The following KCNMA1 variants were observed in gnomAD, a reference collection of about 807,000 sequenced individuals.
KCNMA1 encodes the protein Calcium-activated potassium channel subunit alpha-1.
In KCNMA1, 29 loss-of-function variants were observed where a neutral mutation model predicts 140.0. The observed-to-expected ratio is 0.21, with a 90% confidence interval of 0.15 to 0.28. The LOEUF (loss-of-function observed/expected upper bound fraction) is 0.28, where lower values mean the gene tolerates loss of function less well. KCNMA1 is among the 10% of genes least tolerant of loss of function. The pLI, the probability that KCNMA1 is intolerant of heterozygous loss-of-function variation, is 1.00. For missense variants in KCNMA1, 880 were observed against 1,602.2 expected (o/e 0.55, Z 7.70); for synonymous variants, 612 against 611.9 (o/e 1.00, Z 0.00).
intron 19 of KCNMA1, chr10:76,974,689 C>T (rs1287902463): frequency 4.2e-6 from 3 of 715,196 alleles, no homozygotes; most frequent in East Asian, 2.7e-5. Flanking sequence ...GAAGTTTCTC[C>T]CTCACAGCTG....
chr10:77,258,621 A>T (rs1358149743), intron 2 of KCNMA1, among the ~76,000 whole-genome samples: 1 of 152,194 alleles, frequency 6.6e-6, no homozygotes, highest in African/African-American at 2.4e-5. Context: ...TTTAGCAAGT[A>T]TAGTTGATAT....
At chr10:76,880,987 T>C (rs76255390), downstream of KCNMA1, among the ~76,000 whole-genome samples, 181 of 152,244 alleles carry the variant, frequency 1.2e-3, no homozygotes, top group Non-Finnish European at 2.2e-3. Context: ...CTGAGTACAA[T>C]GTGTGACATG....
chr10:77,412,652 C>T (rs1189303464), intron 1 of KCNMA1, among the ~76,000 whole-genome samples: 11 of 152,154 alleles, frequency 7.2e-5, no homozygotes, highest in Admixed American at 7.2e-4. Flanking sequence ...TTGTGAGGTG[C>T]CCCAGGGGGG....
intron 1 of KCNMA1, among the ~76,000 whole-genome samples, chr10:77,602,410 GTGGGGAGTGACTGCTCATGGGTA>G (rs1218338757): frequency 1.3e-5 from 2 of 152,158 alleles, no homozygotes; most frequent in African/African-American, 4.8e-5. Context: ...AAGGAGGGGT[GTGGGGAGTGACTGCTCATGGGTA>G]TGGGGTTTGT....
At chr10:77,264,971 T>C (rs919368014) in intron 2 of KCNMA1, among the ~76,000 whole-genome samples, 1 of 152,186 alleles carries the variant, frequency 6.6e-6, no homozygotes, top group Admixed American at 6.5e-5. Flanking sequence ...ATGCCCTTTT[T>C]TTCTGGAACT....
chr10:77,274,699 C>T (rs1380411530), intron 2 of KCNMA1, among the ~76,000 whole-genome samples: 1 of 152,188 alleles, frequency 6.6e-6, no homozygotes, highest in Admixed American at 6.5e-5. Context: ...AACCCCGACT[C>T]CATTTGTCAT....
At chr10:77,455,178 C>T (rs961502918) in intron 1 of KCNMA1, among the ~76,000 whole-genome samples, 7 of 152,196 alleles carry the variant, frequency 4.6e-5, no homozygotes, top group African/African-American at 1.7e-4. Flanking sequence ...GCAATACTTT[C>T]CAATCTTCAG....
chr10:77,084,532 G>T, intron 12 of KCNMA1, 105 bp downstream of exon 12: 1 of 873,958 alleles, frequency 1.1e-6, no homozygotes, highest in Non-Finnish European at 1.9e-6. Context: ...TGGCTTGTGG[G>T]GCAAAAAGGC....
Position 77,220,909 on chromosome 10 carries a change from C to T in KCNMA1, c.602+30286G>A, listed in dbSNP as rs578009793. Among the ~76,000 whole-genome samples, 5 of 152,248 alleles carry T rather than the reference C, an allele frequency of 3.3e-5. No individual in the cohort carries two copies. The South Asian group carries it at 8.3e-4, about 25-fold the overall frequency. ...AGCAACTGGGTTCTACAAATAATGTCCCTGGGGAACTCAATAAAATTATCA... is the reference window on the plus strand; with the variant it reads ...AGCAACTGGGTTCTACAAATAATGTTCCTGGGGAACTCAATAAAATTATCA... On this transcript the variant is annotated intron_variant, in intron 3 of 27. Coordinates refer to ENST00000286628, the MANE Select transcript of KCNMA1 (RefSeq NM_001161352.2).
intron 1 of KCNMA1, among the ~76,000 whole-genome samples, chr10:77,498,133 G>A (rs939520954): frequency 2.0e-5 from 3 of 152,300 alleles, no homozygotes; most frequent in Non-Finnish European, 2.9e-5. Flanking sequence ...AGGCAGGGAG[G>A]CCCCTTGGGC....
At chr10:77,119,495 C>T (rs978468363) in intron 6 of KCNMA1, among the ~76,000 whole-genome samples, 8 of 152,152 alleles carry the variant, frequency 5.3e-5, no homozygotes, top group African/African-American at 9.7e-5. Context: ...TGGGTACTCA[C>T]GCGTTCCATC....
At chr10:77,209,974 T>C (rs2045510210) in intron 3 of KCNMA1, among the ~76,000 whole-genome samples, 1 of 144,908 alleles carries the variant, frequency 6.9e-6, no homozygotes, top group Admixed American at 6.8e-5. Context: ...CACAACCAAA[T>C]TCTACCAGAT....
chr10:77,480,120 G>A (rs947995377), intron 1 of KCNMA1, among the ~76,000 whole-genome samples: 3 of 152,298 alleles, frequency 2.0e-5, no homozygotes, highest in East Asian at 3.9e-4. Context: ...CACCAAATAC[G>A]ACGCCCATAT....
chr10:77,443,637 TCAACTGTG>T (rs1422471397), intron 1 of KCNMA1, among the ~76,000 whole-genome samples: 1 of 152,106 alleles, frequency 6.6e-6, no homozygotes, highest in Non-Finnish European at 1.5e-5. Context: ...CCTAGCTAGG[TCAACTGTG>T]CTGTTTCCTT....
intron 1 of KCNMA1, among the ~76,000 whole-genome samples, chr10:77,445,042 G>C (rs1310315061): frequency 6.6e-6 from 1 of 152,182 alleles, no homozygotes; most frequent in African/African-American, 2.4e-5. Flanking sequence ...CTATGAGATA[G>C]ATGCCCAAGG....
At position 77,636,766 on chromosome 10, in the gene KCNMA1, A is replaced by AT. The variant is rs1354393740; in HGVS notation, c.378+498dup. The stretch of plus-strand genomic sequence containing the variant: ...AATTATTCTCTCCCTTGCCCAAAGG[A>AT]TTTTTCCCTTCTTTCTGACCCCACG... On this transcript the variant is annotated intron_variant, in intron 1 of 27. Transcript: ENST00000286628. The AT allele has an allele frequency of 1.4e-5, 20 of 1,461,466 alleles. No individual in the cohort carries two copies. The South Asian group carries it at 2.8e-4, about 21-fold the overall frequency. The allele number at this position is 1,461,466 out of a possible 1,614,324, so 90.5% of individuals were successfully genotyped here.
chr10:77,087,292 T>C (rs1444320477), intron 10 of KCNMA1, among the ~76,000 whole-genome samples: 1 of 152,156 alleles, frequency 6.6e-6, no homozygotes, highest in Non-Finnish European at 1.5e-5. Flanking sequence ...TGTAATCAAA[T>C]GAGCCAATTC....
chr10:76,941,757 TC>T (rs1361316831), intron 23 of KCNMA1, among the ~76,000 whole-genome samples: 1 of 152,060 alleles, frequency 6.6e-6, no homozygotes, highest in Admixed American at 6.5e-5. Flanking sequence ...ATTTGTGCGG[TC>T]TTAGTCCATT....
intron 1 of KCNMA1, among the ~76,000 whole-genome samples, chr10:77,457,507 T>C (rs59212489): frequency 0.033 from 4,954 of 152,234 alleles, 289 homozygotes; most frequent in African/African-American, 0.11. Flanking sequence ...TCCTGAGTTC[T>C]AGAAAACCAG....
Sources: gnomAD v4.1 joint callset for allele counts (sites outside exome capture counted in the v4.1 genomes callset) on GRCh38, gnomAD v4.1.1 for gene constraint, MANE v1.5 for transcripts, NCBI Gene and HGNC (gene_info 2026-07-23, HGNC 2026-07-21) for gene names.